NTRK2: variants seen among roughly 807,000 people sequenced by gnomAD.
NTRK2 encodes the protein neurotrophic receptor tyrosine kinase 2, also known as BDNF/NT-3 growth factors receptor.
Under a neutral mutation model 94.5 loss-of-function variants are expected in NTRK2, and 13 were observed. The observed-to-expected ratio is 0.14, with a 90% confidence interval of 0.09 to 0.22. NTRK2 has a LOEUF of 0.22. Ranked by LOEUF, NTRK2 falls within the 10% of genes least tolerant of loss-of-function variation. NTRK2 has a pLI of 1.00. For missense variants in NTRK2, 639 were observed against 1,071.2 expected (o/e 0.60, Z 5.63); for synonymous variants, 372 against 407.4 (o/e 0.91, Z 1.05).
At chr9:84,914,606 C>A (rs1047385169) in intron 14 of NTRK2, among the ~76,000 whole-genome samples, 1 of 152,128 alleles carries the variant, frequency 6.6e-6, no homozygotes, top group Non-Finnish European at 1.5e-5. Context: ...CTGTTGGATG[C>A]GGGTAGGAGT....
At chr9:84,961,370 T>TA (rs1824906196) in intron 17 of NTRK2, among the ~76,000 whole-genome samples, 1 of 152,218 alleles carries the variant, frequency 6.6e-6, no homozygotes, top group South Asian at 2.1e-4. Context: ...CTTAAAACCA[T>TA]AAGAGTTTGT....
At chr9:85,001,613 G>T (rs970574930) in intron 17 of NTRK2, among the ~76,000 whole-genome samples, 5 of 152,340 alleles carry the variant, frequency 3.3e-5, no homozygotes, top group Admixed American at 1.3e-4. Flanking sequence ...AGGGAGAAAG[G>T]ATGAGAGTTA....
At chr9:84,943,938 G>T (rs958358498) in intron 15 of NTRK2, among the ~76,000 whole-genome samples, 1 of 152,004 alleles carries the variant, frequency 6.6e-6, no homozygotes, top group African/African-American at 2.4e-5. Flanking sequence ...TCTTAAAATA[G>T]AATTGAATCA....
chr9:84,923,344 G>A (rs1004059794), intron 14 of NTRK2, among the ~76,000 whole-genome samples: 15 of 152,078 alleles, frequency 9.9e-5, no homozygotes, highest in Non-Finnish European at 1.8e-4. Context: ...CACTGTTATC[G>A]CTGTTTACCA....
At chr9:84,776,683 T>C (rs1219249522) in intron 12 of NTRK2, among the ~76,000 whole-genome samples, 1 of 152,234 alleles carries the variant, frequency 6.6e-6, no homozygotes, top group Non-Finnish European at 1.5e-5. Flanking sequence ...GCATGTGGCA[T>C]GAACAGCATA....
chr9:84,969,586 A>G (rs751799371), intron 17 of NTRK2, among the ~76,000 whole-genome samples: 13 of 152,276 alleles, frequency 8.5e-5, no homozygotes, highest in Non-Finnish European at 1.8e-4. Context: ...AAAACATTAA[A>G]TAATGAGATC....
intron 14 of NTRK2, among the ~76,000 whole-genome samples, chr9:84,869,827 A>T (rs2075761099): frequency 6.6e-6 from 1 of 152,082 alleles, no homozygotes; most frequent in African/African-American, 2.4e-5. Flanking sequence ...AATCATTTTC[A>T]TTGGTTTTAT....
chr9:84,772,429 G>T (rs769961162), intron 12 of NTRK2, among the ~76,000 whole-genome samples: 9 of 152,130 alleles, frequency 5.9e-5, no homozygotes, highest in Non-Finnish European at 1.2e-4. Context: ...CTAATTTTTA[G>T]TAGAGGCAGG....
chr9:85,025,250 A>C lies in NTRK2; in HGVS notation c.*3813A>C, dbSNP rs1375654760. 2 of 233,104 alleles carry C rather than the reference A, an allele frequency of 8.6e-6. No individual in the cohort carries two copies. Among genetic ancestry groups the C allele is most frequent in the African/African-American group, 2.2e-5 (1 of 45,346 alleles). The allele number at this position is 233,104 out of a possible 1,614,324, so 14.4% of individuals were successfully genotyped here. On this transcript the variant is annotated 3_prime_UTR_variant, in exon 19 of 19. Transcript: ENST00000277120. The stretch of plus-strand genomic sequence containing the variant: ...TTTCTCTGGCTCCTTGCAAAGAAAG[A>C]TACTTTTTGTAATGGTCCAGGAAAG...
At chr9:84,751,110 C>T (rs796868653) in intron 11 of NTRK2, among the ~76,000 whole-genome samples, 14 of 152,296 alleles carry the variant, frequency 9.2e-5, no homozygotes, top group African/African-American at 3.4e-4. Context: ...GTGGAACTCA[C>T]CCCAGAAGTG....
At chr9:84,744,677 C>A (rs2063911831) in intron 10 of NTRK2, among the ~76,000 whole-genome samples, 1 of 152,086 alleles carries the variant, frequency 6.6e-6, no homozygotes, top group Admixed American at 6.6e-5. Context: ...AATATGCCAT[C>A]CATAAAGGGG....
At chr9:84,904,506 G>T (rs1177124138) in intron 14 of NTRK2, among the ~76,000 whole-genome samples, 1 of 152,130 alleles carries the variant, frequency 6.6e-6, no homozygotes, top group Non-Finnish European at 1.5e-5. Flanking sequence ...ATGTAGTTGA[G>T]AAAATGGAAG....
intron 12 of NTRK2, among the ~76,000 whole-genome samples, chr9:84,787,348 G>A (rs2068231372): frequency 6.6e-6 from 1 of 151,930 alleles, no homozygotes; most frequent in African/African-American, 2.4e-5. Flanking sequence ...ACAAAAAACA[G>A]GCACAAAATA....
intron 6 of NTRK2, among the ~76,000 whole-genome samples, chr9:84,722,901 C>T (rs1419095286): frequency 6.6e-6 from 1 of 152,184 alleles, no homozygotes; most frequent in Non-Finnish European, 1.5e-5. Context: ...ATGAGTCCAA[C>T]CCATTTTCAT....
chr9:84,686,207 A>G (rs2059703751), intron 2 of NTRK2, among the ~76,000 whole-genome samples: 2 of 152,262 alleles, frequency 1.3e-5, no homozygotes. Flanking sequence ...GTTCATGCAC[A>G]GCAAGAGATT....
At chr9:84,921,876 A>G (rs2077578326) in intron 14 of NTRK2, among the ~76,000 whole-genome samples, 1 of 152,196 alleles carries the variant, frequency 6.6e-6, no homozygotes. Flanking sequence ...ATGTGTTCAA[A>G]TTGGCTGCCC....
intron 12 of NTRK2, among the ~76,000 whole-genome samples, chr9:84,838,899 A>AT (rs200912726): frequency 0.093 from 13,770 of 147,666 alleles, 1,155 homozygotes; most frequent in African/African-American, 0.21. Flanking sequence ...AGCCTTAATG[A>AT]TTTTTTTTTT....
chr9:84,996,476 G>A (rs1399535735), intron 17 of NTRK2, among the ~76,000 whole-genome samples: 1 of 152,196 alleles, frequency 6.6e-6, no homozygotes, highest in Non-Finnish European at 1.5e-5. Context: ...GACTTAAAGT[G>A]GAACTTCTTC....
At chr9:84,798,148 C>T (rs2069853856) in intron 12 of NTRK2, among the ~76,000 whole-genome samples, 3 of 151,332 alleles carry the variant, frequency 2.0e-5, no homozygotes, top group African/African-American at 7.3e-5. Context: ...TTTTCTGGTT[C>T]ATAGATGGCA....
Sources: gnomAD v4.1 joint callset for allele counts (sites outside exome capture counted in the v4.1 genomes callset) on GRCh38, gnomAD v4.1.1 for gene constraint, MANE v1.5 for transcripts, NCBI Gene and HGNC (gene_info 2026-07-23, HGNC 2026-07-21) for gene names.